The following CORO7 variants were observed in gnomAD, a reference collection of about 807,000 sequenced individuals.
CORO7 encodes coronin 7.
Under a neutral mutation model 126.6 loss-of-function variants are expected in CORO7, and 107 were observed. The ratio of observed to expected loss-of-function variants is 0.85; its 90% CI spans 0.72 to 0.99. The LOEUF is 0.99. Ranked by LOEUF, CORO7 falls within the 50% of genes least tolerant of loss-of-function variation. The probability of loss-of-function intolerance (pLI) is 0.00; values close to 1 mark genes in which losing one functional copy is unlikely to be tolerated. For missense variants in CORO7, 1,314 were observed against 1,255.8 expected, an observed-to-expected ratio of 1.05 and a Z score of -0.70; for synonymous variants, 603 against 536.8, an observed-to-expected ratio of 1.12 and a Z score of -1.70.
At chr16:4,381,032 C>A (rs757867129) in intron 9 of CORO7, 1 of 1,610,432 alleles carries the variant, frequency 6.2e-7, no homozygotes, top group South Asian at 1.1e-5. Flanking sequence ...GACGTGCCAC[C>A]CGACACGGTG....
At chr16:4,397,487 A>AC (rs2055640715) in intron 6 of CORO7, 1 of 152,102 alleles carries the variant, frequency 6.6e-6, no homozygotes, top group African/African-American at 2.4e-5. Flanking sequence ...TAGGCCAGGC[A>AC]CAGTGGGTCC....
At chr16:4,392,494 C>T (rs558344278) in intron 7 of CORO7, among the ~76,000 whole-genome samples, 51 of 152,372 alleles carry the variant, frequency 3.3e-4, no homozygotes, top group Non-Finnish European at 6.9e-4. Context: ...AAGCTCACGC[C>T]TGAGGCAGGG....
intron 9 of CORO7, among the ~76,000 whole-genome samples, chr16:4,374,718 G>A (rs1409479213): frequency 1.3e-5 from 2 of 151,450 alleles, no homozygotes; most frequent in Non-Finnish European, 2.9e-5. Flanking sequence ...CCCCAGGGGC[G>A]CCATTTCTGC....
At chr16:4,410,362 C>G (rs376141995) in intron 3 of CORO7, among the ~76,000 whole-genome samples, 2 of 152,066 alleles carry the variant, frequency 1.3e-5, no homozygotes, top group East Asian at 3.9e-4. Flanking sequence ...GAGTTCAAGA[C>G]TGCAGTGAAC....
At chr16:4,395,172 G>T in intron 7 of CORO7, 117 bp downstream of exon 7, 1 of 1,450,214 alleles carries the variant, frequency 6.9e-7, no homozygotes, top group Non-Finnish European at 9.5e-7. Context: ...GACCCCTGGT[G>T]CTGCAGAACA....
At chr16:4,381,069 C>T (rs1198256669) in intron 9 of CORO7, 1 of 1,610,316 alleles carries the variant, frequency 6.2e-7, no homozygotes. Context: ...AGAACGGCAT[C>T]ACCATGCTCG....
intron 7 of CORO7, among the ~76,000 whole-genome samples, chr16:4,390,388 T>C (rs1214643042): frequency 6.6e-6 from 1 of 152,188 alleles, no homozygotes; most frequent in Admixed American, 6.5e-5. Context: ...AGGCTCAGGA[T>C]TGTGTCTGAC....
intron 6 of CORO7, among the ~76,000 whole-genome samples, chr16:4,401,358 T>A (rs1234633857): frequency 5.3e-5 from 8 of 152,208 alleles, no homozygotes; most frequent in Admixed American, 5.2e-4. Context: ...GGGGCCTGTC[T>A]GGAGAGGGCC....
intron 26 of CORO7, among the ~76,000 whole-genome samples, chr16:4,356,028 AC>A (rs1398813477): frequency 6.6e-6 from 1 of 152,122 alleles, no homozygotes; most frequent in African/African-American, 2.4e-5. Context: ...ATCTCGGCTC[AC>A]CACAACCTCT....
At chr16:4,385,326 C>T (rs552099206) in intron 9 of CORO7, among the ~76,000 whole-genome samples, 1 of 152,266 alleles carries the variant, frequency 6.6e-6, no homozygotes, top group African/African-American at 2.4e-5. Context: ...ACCTGCTCCC[C>T]AGCCACGGGT....
rs2053927254 is a variant in CORO7 at position 4,355,009 on chromosome 16, C to G, written c.*149G>C. ...CAGTCCCTGGGAACTGCCAGAGGCC[C>G]AGAGGATGTGGAAGTGCCCACGGGA... is the stretch of plus-strand genomic sequence containing the variant. On this transcript the variant is annotated 3_prime_UTR_variant, in exon 28 of 28. Transcript: ENST00000251166. The G allele has an allele frequency of 1.2e-6, 1 of 816,130 alleles. No homozygotes were observed. Among genetic ancestry groups the G allele is most frequent in the Admixed American group, 3.2e-5 (1 of 31,010 alleles). The allele number at this position is 816,130 out of a possible 1,614,324, so 50.6% of individuals were successfully genotyped here. A position where few individuals can be genotyped will look rare whatever the true frequency, so the allele number is the denominator to read the frequency against.
At chr16:4,374,647 T>C (rs567262947) in intron 9 of CORO7, among the ~76,000 whole-genome samples, 7 of 152,282 alleles carry the variant, frequency 4.6e-5, no homozygotes, top group African/African-American at 1.7e-4. Context: ...TGTGGTTCAG[T>C]GGCCAGGTCC....
chr16:4,416,110 G>T (rs1171904824), intron 1 of CORO7, among the ~76,000 whole-genome samples: 1 of 152,088 alleles, frequency 6.6e-6, no homozygotes, highest in Non-Finnish European at 1.5e-5. Flanking sequence ...CCCGAGCCCC[G>T]GCTCCCGGCG....
chr16:4,359,709 G>A, intron 21 of CORO7, 88 bp from the exon 22 acceptor site: 3 of 1,476,346 alleles, frequency 2.0e-6, no homozygotes, highest in African/African-American at 2.8e-5. Context: ...CCCCTGCTCT[G>A]TTCTGGGTTG....
chr16:4,384,489 C>A (rs1441728698), intron 9 of CORO7, among the ~76,000 whole-genome samples: 1 of 152,188 alleles, frequency 6.6e-6, no homozygotes, highest in African/African-American at 2.4e-5. Flanking sequence ...TGGAGTGAGC[C>A]TCCTGCAGAC....
intron 9 of CORO7, among the ~76,000 whole-genome samples, chr16:4,370,413 G>T (rs974054176): frequency 6.6e-6 from 1 of 152,222 alleles, no homozygotes; most frequent in African/African-American, 2.4e-5. Context: ...CCAGCTGAGA[G>T]TTCCTGTTCA....
chr16:4,371,666 C>A (rs1271729777), intron 9 of CORO7, among the ~76,000 whole-genome samples: 4 of 152,244 alleles, frequency 2.6e-5, no homozygotes, highest in Non-Finnish European at 5.9e-5. Context: ...CGGGCAAGGT[C>A]TCCCCGCGCA....
intron 26 of CORO7, chr16:4,356,633 G>A (rs113207557): frequency 0.037 from 5,817 of 157,904 alleles, 146 homozygotes; most frequent in Admixed American, 0.09. Context: ...GGGTTTCACC[G>A]TGTTGCCCAG....
At chr16:4,380,731 G>A in intron 9 of CORO7, 5 of 989,146 alleles carry the variant, frequency 5.1e-6, no homozygotes, top group Non-Finnish European at 7.2e-6. Context: ...TCGGGGCACT[G>A]GCGACCTGAC....
Sources: allele counts gnomAD v4.1 joint callset (sites outside exome capture counted in the v4.1 genomes callset), GRCh38; gene constraint gnomAD v4.1.1; transcripts MANE v1.5; gene names NCBI Gene and HGNC (gene_info 2026-07-23, HGNC 2026-07-21).